Variants in DNAH9 observed in about 807,000 individuals in gnomAD.
DNAH9 encodes the protein dynein axonemal heavy chain 9.
DNAH9 carries 345 observed loss-of-function variants against 471.6 expected under a neutral mutation model. That is an observed-to-expected ratio of 0.73 (90% CI 0.67 to 0.80). The LOEUF is 0.80. DNAH9 is among the 30% of genes least tolerant of loss of function. The pLI is 0.00. For synonymous variants in DNAH9, 2,093 were observed against 2,123.6 expected, an observed-to-expected ratio of 0.99 and a Z score of 0.40; for missense variants, 5,407 against 5,609.2, an observed-to-expected ratio of 0.96 and a Z score of 1.15.
intron 41 of DNAH9, among the ~76,000 whole-genome samples, chr17:11,792,638 GATAA>G (rs1567805738): frequency 1.3e-5 from 2 of 152,226 alleles, no homozygotes; most frequent in African/African-American, 4.8e-5. Context: ...ACTGACTAGA[GATAA>G]ATAAATAGAT....
chr17:11,789,066 C>T (rs909633830), intron 41 of DNAH9, among the ~76,000 whole-genome samples: 45 of 151,954 alleles, frequency 3.0e-4, no homozygotes, highest in African/African-American at 1.0e-3. Context: ...ATCAACCATT[C>T]CTGGAATCAA....
rs1567691365 is a variant in DNAH9, at chr17:11,651,159, GA to G, written c.2189del (p.Asp730ValfsTer10). ...AGCAGCAGCCATGTTCTCCTCCAGG[GA>G]TTTCTATCGGCAGCTTGTGGCTAAT... ...ETAAAMFSSR[D>X]FYRQLVANLE... On this transcript the variant is annotated frameshift_variant, in exon 13 of 69. Transcript: ENST00000262442. LOFTEE classifies it high-confidence loss of function. 1 of 1,614,114 alleles carries G rather than the reference GA, an allele frequency of 6.2e-7. No homozygotes were observed. The highest frequency in any genetic ancestry group is 1.6e-4 in the Middle Eastern group (1 of 6,062).
intron 35 of DNAH9, 94 bp downstream of exon 35, chr17:11,757,786 C>A (rs1323876744): frequency 7.3e-7 from 1 of 1,363,128 alleles, no homozygotes; most frequent in African/African-American, 1.5e-5. Flanking sequence ...TGTCCTGTCC[C>A]AAAGTCAGAT....
At position 11,834,759 on chromosome 17, in the gene DNAH9, C is replaced by T. The variant is rs1406910346; in HGVS notation, c.9368C>T (p.Ala3123Val). The T allele has an allele frequency of 6.2e-7, 1 of 1,614,060 alleles. No individual in the cohort carries two copies. Among genetic ancestry groups the T allele is most frequent in the South Asian group, 1.1e-5 (1 of 91,042 alleles). Residue 3123 changes from alanine (A) to valine (V), a missense_variant, in exon 49 of 69, where the codon GCC becomes GTC. This residue lies in a region of DNAH9 where 4,636 missense variants were observed against 4,900.3 expected (regional missense o/e 0.95). Coordinates refer to ENST00000262442, the MANE Select transcript of DNAH9 (RefSeq NM_001372.4). ...VETDKVSREK[A>V]MADEEEQKVA... is the part of the protein sequence containing the mutation. ...ACTGACAAAGTGAGCAGAGAGAAAG[C>T]CATGGCAGATGAAGAGGAGCAGAAG...
At chr17:11,770,102 C>G (rs1162395668) in intron 38 of DNAH9, among the ~76,000 whole-genome samples, 1 of 152,200 alleles carries the variant, frequency 6.6e-6, no homozygotes, top group South Asian at 2.1e-4. Context: ...CCAGGTGACA[C>G]TGCAGTGCCT....
chr17:11,879,025 C>T (rs1040919590), intron 53 of DNAH9, among the ~76,000 whole-genome samples: 1 of 152,066 alleles, frequency 6.6e-6, no homozygotes, highest in Non-Finnish European at 1.5e-5. Flanking sequence ...ATTAATTAGA[C>T]ATGTCATTTT....
At chr17:11,811,348 G>A (rs1032644318) in intron 45 of DNAH9, among the ~76,000 whole-genome samples, 7 of 151,932 alleles carry the variant, frequency 4.6e-5, no homozygotes, top group Non-Finnish European at 8.8e-5. Flanking sequence ...GTTATAAAAC[G>A]AGATAAAGAG....
Position 11,689,668 on chromosome 17 carries a change from TG to T in DNAH9, c.3847del (p.Glu1283LysfsTer10), listed in dbSNP as rs1161764583. ...ASISESASLF[E>X]VNVPDYKQLR... ...CCATTTCTGAGTCTGCCAGCTTATT[TG>T]AAGTCAATGTCCCTGACTATAAGCA... On this transcript the variant is annotated frameshift_variant, in exon 20 of 69. Coordinates refer to ENST00000262442, the MANE Select transcript of DNAH9 (RefSeq NM_001372.4). LOFTEE classifies it high-confidence loss of function. The T allele has an allele frequency of 1.2e-5, 20 of 1,614,000 alleles. No homozygotes were observed. The highest frequency in any genetic ancestry group is 1.7e-5 in the Non-Finnish European group (20 of 1,180,004).
intron 62 of DNAH9, among the ~76,000 whole-genome samples, chr17:11,926,035 G>GAA (rs71142253): frequency 0.053 from 3,184 of 60,112 alleles, 380 homozygotes; most frequent in Middle Eastern, 0.087. Context: ...GAGATTCTCT[G>GAA]AAAAAAAAAA....
chr17:11,708,469 G>C (rs919369871), intron 26 of DNAH9, among the ~76,000 whole-genome samples: 2 of 152,164 alleles, frequency 1.3e-5, no homozygotes, highest in African/African-American at 4.8e-5. Context: ...CCTCTGCAGA[G>C]GGAGATGTCG....
intron 28 of DNAH9, among the ~76,000 whole-genome samples, chr17:11,732,364 C>T (rs934437477): frequency 2.6e-5 from 4 of 152,212 alleles, no homozygotes; most frequent in East Asian, 1.9e-4. Flanking sequence ...CATTTGAAAT[C>T]GAATACCCAT....
In DNAH9 at chr17:11,640,287, A is replaced by G. The variant is rs1352458064; in HGVS notation, c.1804A>G (p.Lys602Glu). 6.2e-7 allele frequency: 1 copy of G among 1,613,468 alleles called. No homozygotes were observed. The highest frequency in any genetic ancestry group is 1.1e-5 in the South Asian group (1 of 91,036). ...EAELGFSPVH[K>E]NMPTVAGGLR... is the part of the protein sequence containing the mutation. ...GTCTCCAGGGTTCTCCCCGGTGCAC[A>G]AGAACATGCCCACCGTGGCTGGCGG... Residue 602 changes from lysine (K) to glutamate (E), a missense_variant, in exon 10 of 69, where the codon AAG becomes GAG. Coordinates refer to ENST00000262442, the MANE Select transcript of DNAH9 (RefSeq NM_001372.4).
At chr17:11,705,847 T>C (rs1161696632) in intron 26 of DNAH9, among the ~76,000 whole-genome samples, 1 of 152,142 alleles carries the variant, frequency 6.6e-6, no homozygotes, top group Non-Finnish European at 1.5e-5. Context: ...ACCCCATAAA[T>C]ATGTCAAATA....
At chr17:11,719,185 T>TC in intron 26 of DNAH9, 149 bp from the exon 27 acceptor site, 1 of 693,644 alleles carries the variant, frequency 1.4e-6, no homozygotes, top group South Asian at 2.3e-5. Flanking sequence ...TAAAGAGTCC[T>TC]CCCCACAGTG....
chr17:11,757,734 T>TA, intron 35 of DNAH9, 42 bp downstream of exon 35: 1 of 1,604,342 alleles, frequency 6.2e-7, no homozygotes, highest in Non-Finnish European at 8.5e-7. Flanking sequence ...AAAGCAGCAA[T>TA]AAAAAGCCCA....
In DNAH9 at chr17:11,598,902, C is replaced by A; in HGVS notation, c.404C>A (p.Ala135Glu). 6.6e-7 allele frequency: 1 copy of A among 1,517,214 alleles called. No homozygotes were observed. The highest frequency in any genetic ancestry group is 1.4e-5 in the African/African-American group (1 of 70,004). 94.0% of individuals were successfully genotyped at this position (1,517,214 alleles called of 1,614,324 possible). ...GCGGCACCTCTGGAGCACCTAGCCG[C>A]GCTGTTCTCGGAGGTGAGGGTGGGT... ...LPAAPLEHLAALFSEVVLPVL... is the reference protein window; with the variant it reads ...LPAAPLEHLAELFSEVVLPVL... The change falls in exon 1 of 69, where the codon GCG becomes GAG. Residue 135 changes from alanine (A) to glutamate (E), a missense_variant. Physicochemically the swap from Ala to Glu is moderately radical, Grantham distance 107 (BLOSUM62 -1). Transcript: ENST00000262442.
rs932352087 is a variant in DNAH9, at chr17:11,768,393, C to G, written c.7171-60C>G. ...GACCTTCTATCTGACGCCGTGGCCT[C>G]CTGTGTGGGCTTCTTGAGTTCTGGA... On this transcript the variant is annotated intron_variant, in intron 36 of 68. Transcript: ENST00000262442. The G allele has an allele frequency of 1.6e-5, 25 of 1,557,190 alleles. No individual in the cohort carries two copies. In the African/African-American group the frequency reaches 2.9e-4, roughly 18 times the overall value.
intron 19 of DNAH9, among the ~76,000 whole-genome samples, chr17:11,688,950 GCC>G (rs1293284895): frequency 6.6e-6 from 1 of 152,038 alleles, no homozygotes; most frequent in Non-Finnish European, 1.5e-5. Flanking sequence ...ACAAAAATTA[GCC>G]AGGCATGGTG....
intron 28 of DNAH9, among the ~76,000 whole-genome samples, chr17:11,736,340 A>G (rs1289008894): frequency 2.0e-5 from 3 of 152,226 alleles, no homozygotes; most frequent in East Asian, 3.8e-4. Flanking sequence ...TGCATTTTCG[A>G]TAGAGAAACA....
Sources: allele counts gnomAD v4.1 joint callset (sites outside exome capture counted in the v4.1 genomes callset), GRCh38; gene constraint gnomAD v4.1.1; regional missense constraint gnomAD v4.1.1; transcripts MANE v1.5; gene names NCBI Gene and HGNC (gene_info 2026-07-23, HGNC 2026-07-21).